SLC35F4: variants seen among roughly 807,000 people sequenced by gnomAD.
SLC35F4 encodes solute carrier family 35 member F4.
Under a neutral mutation model 44.2 loss-of-function variants are expected in SLC35F4, and 24 were observed. That is an observed-to-expected ratio of 0.54 (90% confidence interval 0.39 to 0.76). SLC35F4 has a LOEUF of 0.76. SLC35F4 is among the 30% of genes least tolerant of loss of function. SLC35F4 has a pLI of 0.00. For missense variants in SLC35F4, 562 were observed against 586.1 expected, an observed-to-expected ratio of 0.96 and a Z score of 0.42; for synonymous variants, 238 against 223.6, an observed-to-expected ratio of 1.06 and a Z score of -0.57.
intron 1 of SLC35F4, among the ~76,000 whole-genome samples, chr14:57,912,528 T>C (rs1277055738): frequency 6.6e-6 from 1 of 152,040 alleles, no homozygotes; most frequent in African/African-American, 2.4e-5. Context: ...CTTTGACCCA[T>C]GTGTCATTTA....
intron 1 of SLC35F4, among the ~76,000 whole-genome samples, chr14:57,697,359 T>C (rs1200701562): frequency 6.6e-6 from 1 of 152,140 alleles, no homozygotes; most frequent in Non-Finnish European, 1.5e-5. Flanking sequence ...TTTTAAAATG[T>C]ATTAAGGTTG....
chr14:57,962,245 G>A (rs779106827), intron 1 of SLC35F4, among the ~76,000 whole-genome samples: 5 of 152,268 alleles, frequency 3.3e-5, no homozygotes, highest in African/African-American at 7.2e-5. Flanking sequence ...GAAAAGTACT[G>A]AATGGACCAA....
chr14:57,906,886 C>A (rs138279423), intron 1 of SLC35F4, among the ~76,000 whole-genome samples: 2 of 152,322 alleles, frequency 1.3e-5, no homozygotes, highest in Non-Finnish European at 2.9e-5. Context: ...CAGATTTGAG[C>A]TGTACACATT....
intron 1 of SLC35F4, among the ~76,000 whole-genome samples, chr14:57,759,573 A>T (rs1051134389): frequency 2.0e-5 from 3 of 152,254 alleles, no homozygotes; most frequent in Non-Finnish European, 4.4e-5. Context: ...GAGCAAAAAA[A>T]GAAAAAAAAA....
chr14:57,795,533 A>G (rs2078034379), intron 1 of SLC35F4, among the ~76,000 whole-genome samples: 1 of 152,216 alleles, frequency 6.6e-6, no homozygotes, highest in Non-Finnish European at 1.5e-5. Context: ...GATCCAATAT[A>G]ATAAAAATTT....
At chr14:57,760,959 T>G (rs1333533595) in intron 1 of SLC35F4, among the ~76,000 whole-genome samples, 1 of 152,142 alleles carries the variant, frequency 6.6e-6, no homozygotes, top group Non-Finnish European at 1.5e-5. Context: ...TTCTCTCCTC[T>G]CCGGCACTCT....
chr14:57,810,230 C>G (rs930390791), intron 1 of SLC35F4, among the ~76,000 whole-genome samples: 2 of 152,128 alleles, frequency 1.3e-5, no homozygotes, highest in African/African-American at 2.4e-5. Flanking sequence ...TCTTGCTCCC[C>G]CCACTACTTA....
chr14:57,746,207 C>T (rs998992747), intron 1 of SLC35F4, among the ~76,000 whole-genome samples: 2 of 151,840 alleles, frequency 1.3e-5, no homozygotes, highest in Non-Finnish European at 2.9e-5. Context: ...ACGTTGTGCA[C>T]AGGTACCCCA....
chr14:57,738,770 T>C lies in SLC35F4; in HGVS notation c.103+126953A>G, dbSNP rs908268663. On this transcript the variant is annotated intron_variant, in intron 1 of 7. Coordinates refer to ENST00000556826, the MANE Select transcript of SLC35F4 (RefSeq NM_001306087.2). ...TTTCATATATATATATATATATATA[T>C]ATATATATATATATATAGGCTTCAT... 1.8e-3 allele frequency among the ~76,000 whole-genome samples: 186 copies of C among 104,400 alleles called. 1 individual carries two copies. Among genetic ancestry groups the C allele is most frequent in the South Asian group, 4.2e-3 (13 of 3,110 alleles). The allele number at this position is 104,400 out of a possible 152,430, so 68.5% of individuals were successfully genotyped here.
In SLC35F4 at chr14:57,765,986, G is replaced by A. The variant is rs149531286; in HGVS notation, c.103+99737C>T. On this transcript the variant is annotated intron_variant, in intron 1 of 7. Transcript: ENST00000556826. Reference sequence around the variant, plus strand: ...GGAGAGGTATCAGTAAGAGGCCACCGGAGCCACTGTAAACCCATAGACTGC... The same window carrying A: ...GGAGAGGTATCAGTAAGAGGCCACCAGAGCCACTGTAAACCCATAGACTGC... Among the ~76,000 whole-genome samples, 1,018 of 152,278 alleles carry A rather than the reference G, an allele frequency of 6.7e-3. 14 individuals are homozygous for A. Among genetic ancestry groups the A allele is most frequent in the African/African-American group, 0.023 (946 of 41,562 alleles).
In SLC35F4 at chr14:57,700,933, A is replaced by T. The variant is rs566813081; in HGVS notation, c.104-106809T>A. The stretch of plus-strand genomic sequence containing the variant: ...ACAAACAAAAAAGCCCCCCAAAAAC[A>T]ACAAAAAATTCTTTTTTATATCCTT... On this transcript the variant is annotated intron_variant, in intron 1 of 7. Transcript: ENST00000556826. Among the ~76,000 whole-genome samples the T allele has an allele frequency of 2.0e-5, 3 of 152,202 alleles. No individual in the cohort carries two copies. The South Asian group carries it at 6.2e-4, about 32-fold the overall frequency.
intron 1 of SLC35F4, among the ~76,000 whole-genome samples, chr14:57,964,146 T>C (rs1374525982): frequency 6.6e-6 from 1 of 151,980 alleles, no homozygotes; most frequent in African/African-American, 2.4e-5. Flanking sequence ...TCTTGGCAAA[T>C]GTGGGTCTGA....
intron 1 of SLC35F4, among the ~76,000 whole-genome samples, chr14:57,699,225 G>A (rs12431696): frequency 0.47 from 71,796 of 152,020 alleles, 17,660 homozygotes; most frequent in African/African-American, 0.63. Context: ...ATTTGATAGA[G>A]AAGTGCACTT....
At chr14:57,595,084 C>A (rs1489552427) in intron 1 of SLC35F4, among the ~76,000 whole-genome samples, 1 of 152,192 alleles carries the variant, frequency 6.6e-6, no homozygotes, top group Non-Finnish European at 1.5e-5. Context: ...TCACTAATGT[C>A]CTTTTTCTAG....
At chr14:57,963,705 C>G (rs1245086052) in intron 1 of SLC35F4, among the ~76,000 whole-genome samples, 1 of 126,850 alleles carries the variant, frequency 7.9e-6, no homozygotes, top group Admixed American at 8.7e-5. Flanking sequence ...AACATTCATT[C>G]TAGCTCCTTT....
chr14:57,941,668 T>C (rs1889918536), intron 1 of SLC35F4, among the ~76,000 whole-genome samples: 1 of 152,152 alleles, frequency 6.6e-6, no homozygotes, highest in Non-Finnish European at 1.5e-5. Flanking sequence ...TTGTTCACTT[T>C]AAAGTGATTA....
At chr14:57,810,690 T>C (rs1010275134) in intron 1 of SLC35F4, among the ~76,000 whole-genome samples, 1 of 152,232 alleles carries the variant, frequency 6.6e-6, no homozygotes, top group African/African-American at 2.4e-5. Flanking sequence ...TGTCTGCTCA[T>C]GGCCTATGCA....
intron 6 of SLC35F4, 147 bp downstream of exon 6, chr14:57,569,641 C>G (rs1244746379): frequency 8.6e-6 from 8 of 925,940 alleles, no homozygotes. Context: ...TGCAAAGAAC[C>G]TTCTAAACAT....
At chr14:57,644,296 T>C (rs1393934805) in intron 1 of SLC35F4, among the ~76,000 whole-genome samples, 1 of 152,202 alleles carries the variant, frequency 6.6e-6, no homozygotes, top group Non-Finnish European at 1.5e-5. Context: ...CCTGACTTTT[T>C]AATGATTGCC....
Sources: allele counts gnomAD v4.1 joint callset (sites outside exome capture counted in the v4.1 genomes callset), GRCh38; gene constraint gnomAD v4.1.1; transcripts MANE v1.5; gene names NCBI Gene and HGNC (gene_info 2026-07-23, HGNC 2026-07-21).